NTRK1: variants seen among roughly 807,000 people sequenced by gnomAD.
NTRK1 encodes the protein neurotrophic receptor tyrosine kinase 1, also known as high affinity nerve growth factor receptor.
Under a neutral mutation model 86.8 loss-of-function variants are expected in NTRK1, and 62 were observed. That is an observed-to-expected ratio of 0.71 (90% CI 0.58 to 0.88). The LOEUF (loss-of-function observed/expected upper bound fraction) is 0.88. NTRK1 is among the 40% of genes least tolerant of loss of function. The pLI, the probability that NTRK1 is intolerant of heterozygous loss-of-function variation, is 0.00. For synonymous variants in NTRK1, 469 were observed against 456.6 expected (o/e 1.03, Z -0.35); for missense variants, 967 against 1,078.4 (o/e 0.90, Z 1.45).
At chr1:156,844,328 A>G in intron 2 of NTRK1, 1 of 1,568,650 alleles carries the variant, frequency 6.4e-7, no homozygotes, top group East Asian at 2.2e-5. Flanking sequence ...TGTAGAAGTC[A>G]GAGGGAAGGT....
intron 15 of NTRK1, among the ~76,000 whole-genome samples, chr1:156,879,724 T>C (rs988480481): frequency 2.6e-5 from 4 of 152,120 alleles, no homozygotes; most frequent in Admixed American, 2.0e-4. Flanking sequence ...ATTCTCCTGC[T>C]TCAGCCTCCC....
intron 3 of NTRK1, among the ~76,000 whole-genome samples, chr1:156,865,346 G>A (rs1467071796): frequency 6.6e-6 from 1 of 152,158 alleles, no homozygotes; most frequent in Non-Finnish European, 1.5e-5. Flanking sequence ...ATGATTTCAG[G>A]ACGAAACTGT....
chr1:156,819,357 A>G (rs1654118728), intron 1 of NTRK1, among the ~76,000 whole-genome samples: 1 of 152,042 alleles, frequency 6.6e-6, no homozygotes, highest in African/African-American at 2.4e-5. Flanking sequence ...TGCAGAAATA[A>G]GGTGGTATCT....
At chr1:156,845,905 C>T (rs778307938) in intron 2 of NTRK1, 2 of 1,600,098 alleles carry the variant, frequency 1.2e-6, no homozygotes, top group South Asian at 2.2e-5. Flanking sequence ...CTCCATCTCC[C>T]CTTCCCCACC....
At chr1:156,859,979 A>G (rs1655554428), upstream of NTRK1, among the ~76,000 whole-genome samples, 1 of 152,200 alleles carries the variant, frequency 6.6e-6, no homozygotes, top group Non-Finnish European at 1.5e-5. The surrounding 1 kb of genome is among the most constrained non-coding windows in gnomAD (Gnocchi z 6.2). Context: ...TCGGCCTCCA[A>G]GGTGCGCGGT....
upstream of NTRK1, among the ~76,000 whole-genome samples, chr1:156,858,046 G>A (rs910989853): frequency 1.2e-4 from 18 of 152,176 alleles, no homozygotes; most frequent in Non-Finnish European, 2.2e-4. Flanking sequence ...GGCCCTAAGA[G>A]GGGGGACACA....
intron 1 of NTRK1, among the ~76,000 whole-genome samples, chr1:156,837,567 A>G (rs1654627282): frequency 6.6e-6 from 1 of 152,154 alleles, no homozygotes; most frequent in South Asian, 2.1e-4. Flanking sequence ...TACTTTGTCA[A>G]TCGACCTCAC....
At chr1:156,843,482 G>A (rs777550620) in intron 2 of NTRK1, 2 of 1,614,176 alleles carry the variant, frequency 1.2e-6, no homozygotes, top group South Asian at 2.2e-5. Context: ...TTCTGTTTCT[G>A]CAACGGGAGG....
intron 1 of NTRK1, chr1:156,816,620 G>T: frequency 6.4e-7 from 1 of 1,561,284 alleles, no homozygotes; most frequent in Non-Finnish European, 8.7e-7. Flanking sequence ...GGGAGGGCAG[G>T]GGGATGGGGG....
At chr1:156,860,745 G>A, upstream of NTRK1, 4 of 1,116,266 alleles carry the variant, frequency 3.6e-6, no homozygotes, top group Non-Finnish European at 2.3e-6. Flanking sequence ...GGCAGAGGGG[G>A]GGGCGTCAGA....
At chr1:156,848,951 A>G in intron 2 of NTRK1, 1 of 1,596,172 alleles carries the variant, frequency 6.3e-7, no homozygotes, top group Non-Finnish European at 8.5e-7. Flanking sequence ...GAAGCTGAGC[A>G]GGTCGCGGGC....
Position 156,881,663 on chromosome 1 carries a change from G to A in NTRK1, c.*21G>A, listed in dbSNP as rs1648275567. ...GCTAGGGGGCCGGCCCAGGGGCTGG[G>A]AGTGGTTAGCCGGAATACTGGGGCC... On this transcript the variant is annotated 3_prime_UTR_variant, in exon 17 of 17. Coordinates refer to ENST00000524377, the MANE Select transcript of NTRK1 (RefSeq NM_002529.4). 1.3e-6 allele frequency: 2 copies of A among 1,591,234 alleles called. No homozygotes were observed. The highest frequency in any genetic ancestry group is 1.8e-5 in the Admixed American group (1 of 56,688).
Position 156,864,812 on chromosome 1 carries a change from A to G in NTRK1, c.359+13A>G, listed in dbSNP as rs1227263910. On this transcript the variant is annotated intron_variant, in intron 3 of 16. Coordinates refer to ENST00000524377, the MANE Select transcript of NTRK1 (RefSeq NM_002529.4). ...GGCTCAGTCGCCTGTGAGTGTGGCC[A>G]GTGCTGGGCAGTGGGAGTTGGGGAG... The G allele has an allele frequency of 2.5e-6, 4 of 1,610,372 alleles. No homozygotes were observed. The highest frequency in any genetic ancestry group is 1.1e-5 in the South Asian group (1 of 89,872).
In NTRK1 at chr1:156,875,623, C is replaced by T. The variant is rs2102915679; in HGVS notation, c.1458C>T (p.Leu486=). Residue 486 remains leucine, a synonymous_variant, in exon 12 of 17, where the codon CTC becomes CTT. Transcript: ENST00000524377. ...CCACCGAGGGCAAAGGCTCTGGGCT[C>T]CAAGGCCACATCATCGAGAACCCAC... ...LSPTEGKGSG[L]QGHIIENPQY... 5.6e-6 allele frequency: 9 copies of T among 1,613,598 alleles called. No homozygotes were observed. Among genetic ancestry groups the T allele is most frequent in the Non-Finnish European group, 7.6e-6 (9 of 1,179,948 alleles).
chr1:156,875,817 C>T, intron 12 of NTRK1, 151 bp downstream of exon 12: 2 of 1,221,756 alleles, frequency 1.6e-6, no homozygotes, highest in Non-Finnish European at 2.3e-6. Context: ...CTGTCATATT[C>T]TTCTCAGGCT....
intron 14 of NTRK1, among the ~76,000 whole-genome samples, chr1:156,878,779 T>C (rs1026987760): frequency 6.6e-6 from 1 of 152,128 alleles, no homozygotes; most frequent in African/African-American, 2.4e-5. Flanking sequence ...AGGGGCAGGC[T>C]TGGGGAAAGA....
intron 5 of NTRK1, 104 bp from the exon 6 acceptor site, chr1:156,868,401 C>T: frequency 6.5e-7 from 1 of 1,538,586 alleles, no homozygotes; most frequent in East Asian, 2.4e-5. Context: ...CGCCTGGGCT[C>T]CAGGTCATTG....
intron 1 of NTRK1, among the ~76,000 whole-genome samples, chr1:156,836,247 T>C (rs995368620): frequency 1.3e-5 from 2 of 151,866 alleles, no homozygotes; most frequent in African/African-American, 4.8e-5. Flanking sequence ...GTGGGGAGAG[T>C]TGGGGGCCAC....
chr1:156,858,880 A>G (rs1655505725), upstream of NTRK1: 1 of 519,984 alleles, frequency 1.9e-6, no homozygotes, highest in Non-Finnish European at 3.5e-6. Context: ...ACAGAGATGC[A>G]GACAGTGACA....
Sources: allele counts gnomAD v4.1 joint callset (sites outside exome capture counted in the v4.1 genomes callset), GRCh38; gene constraint gnomAD v4.1.1; non-coding constraint Gnocchi (gnomAD v3.1); transcripts MANE v1.5; gene names NCBI Gene and HGNC (gene_info 2026-07-23, HGNC 2026-07-21).